The following NT5DC1 variants were observed in gnomAD, a reference collection of about 807,000 sequenced individuals.
NT5DC1 encodes 5'-nucleotidase domain-containing protein 1.
In NT5DC1, 42 loss-of-function variants were observed where a neutral mutation model predicts 59.4. That is an observed-to-expected ratio of 0.71 (90% CI 0.55 to 0.92). NT5DC1 has a LOEUF of 0.92. NT5DC1 is among the 40% of genes least tolerant of loss of function. The pLI, the probability that NT5DC1 is intolerant of heterozygous loss-of-function variation, is 0.00. For missense variants in NT5DC1, 501 were observed against 537.1 expected (o/e 0.93, Z 0.66); for synonymous variants, 172 against 188.1 (o/e 0.91, Z 0.70).
chr6:116,159,977 AG>A (rs1159155983), intron 6 of NT5DC1, among the ~76,000 whole-genome samples: 2 of 152,290 alleles, frequency 1.3e-5, no homozygotes, highest in Admixed American at 1.3e-4. Flanking sequence ...AGTATTCCAC[AG>A]TGTATACATA....
chr6:116,157,421 A>G (rs1280727051), intron 6 of NT5DC1, among the ~76,000 whole-genome samples: 1 of 152,238 alleles, frequency 6.6e-6, no homozygotes, highest in Non-Finnish European at 1.5e-5. Flanking sequence ...GAAAAGAGCT[A>G]TGGGGACAGG....
At chr6:116,164,950 T>C (rs1474283982) in intron 6 of NT5DC1, among the ~76,000 whole-genome samples, 1 of 151,748 alleles carries the variant, frequency 6.6e-6, no homozygotes, top group Non-Finnish European at 1.5e-5. Flanking sequence ...TACAAAAAAT[T>C]AGCGGACATG....
intron 6 of NT5DC1, among the ~76,000 whole-genome samples, chr6:116,167,373 C>T (rs954229707): frequency 5.9e-5 from 9 of 151,832 alleles, no homozygotes; most frequent in Admixed American, 2.0e-4. Flanking sequence ...CCACCACTGC[C>T]GGCTAATTTT....
At chr6:116,241,750 C>T (rs1039088739) in intron 11 of NT5DC1, among the ~76,000 whole-genome samples, 4 of 151,390 alleles carry the variant, frequency 2.6e-5, no homozygotes, top group African/African-American at 7.3e-5. Flanking sequence ...GGTGAAACCC[C>T]GTCTCTACCA....
intron 8 of NT5DC1, among the ~76,000 whole-genome samples, chr6:116,234,153 G>C (rs1017679586): frequency 2.0e-5 from 3 of 151,346 alleles, no homozygotes; most frequent in Non-Finnish European, 4.4e-5. Context: ...GTAGGCACAG[G>C]GTTTCACCAT....
chr6:116,120,033 G>T, intron 6 of NT5DC1: 1 of 1,538,414 alleles, frequency 6.5e-7, no homozygotes, highest in Non-Finnish European at 8.9e-7. Context: ...GTTAGAGAAT[G>T]CTTTTTCTAG....
chr6:116,140,378 T>C (rs1380252942), intron 6 of NT5DC1, among the ~76,000 whole-genome samples: 2 of 152,130 alleles, frequency 1.3e-5, no homozygotes, highest in Non-Finnish European at 2.9e-5. Context: ...CTTTTCTGCC[T>C]TACATTCCTG....
intron 6 of NT5DC1, among the ~76,000 whole-genome samples, chr6:116,157,305 C>T (rs117919524): frequency 2.0e-5 from 3 of 152,198 alleles, no homozygotes; most frequent in Non-Finnish European, 4.4e-5. Flanking sequence ...TGGCACCAGT[C>T]AGTTGTCAAC....
At chr6:116,218,265 A>G (rs983172602) in intron 6 of NT5DC1, among the ~76,000 whole-genome samples, 4 of 152,168 alleles carry the variant, frequency 2.6e-5, no homozygotes, top group African/African-American at 9.6e-5. Context: ...AAATGTTAAC[A>G]GTAGCTTTTT....
intron 6 of NT5DC1, among the ~76,000 whole-genome samples, chr6:116,172,502 A>G (rs1400169507): frequency 6.6e-6 from 1 of 151,686 alleles, no homozygotes; most frequent in Non-Finnish European, 1.5e-5. Flanking sequence ...TTCTATTTTG[A>G]GTAGAGACAG....
chr6:116,200,624 A>C (rs1297183233), intron 6 of NT5DC1, among the ~76,000 whole-genome samples: 2 of 152,002 alleles, frequency 1.3e-5, no homozygotes, highest in African/African-American at 2.4e-5. Context: ...ATCCAGAAGG[A>C]TATTATCGAG....
intron 4 of NT5DC1, among the ~76,000 whole-genome samples, chr6:116,114,406 T>C (rs1344226042): frequency 6.6e-6 from 1 of 152,022 alleles, no homozygotes; most frequent in Non-Finnish European, 1.5e-5. Flanking sequence ...GCTTATTGGA[T>C]TACTCATTCA....
chr6:116,116,335 A>G (rs890444576), intron 5 of NT5DC1, among the ~76,000 whole-genome samples: 3 of 152,184 alleles, frequency 2.0e-5, no homozygotes, highest in Admixed American at 2.0e-4. Context: ...TCCTTTATGC[A>G]TGTCTTTTAA....
At chr6:116,231,944 C>T (rs920553809) in intron 8 of NT5DC1, among the ~76,000 whole-genome samples, 41 of 152,040 alleles carry the variant, frequency 2.7e-4, no homozygotes, top group African/African-American at 9.7e-4. Context: ...CTAGGGCTGC[C>T]GTAACAAAAT....
At chr6:116,144,704 A>T (rs908321273) in intron 6 of NT5DC1, among the ~76,000 whole-genome samples, 1 of 152,178 alleles carries the variant, frequency 6.6e-6, no homozygotes, top group Non-Finnish European at 1.5e-5. Flanking sequence ...TGTTTGTTAG[A>T]CTTCACACCA....
chr6:116,196,163 A>G (rs1781223588), intron 6 of NT5DC1, among the ~76,000 whole-genome samples: 1 of 151,830 alleles, frequency 6.6e-6, no homozygotes, highest in Non-Finnish European at 1.5e-5. Context: ...TTTCCTTATT[A>G]CTCCTACTCC....
chr6:116,190,855 G>A (rs551650772), intron 6 of NT5DC1, among the ~76,000 whole-genome samples: 2 of 152,110 alleles, frequency 1.3e-5, no homozygotes, highest in African/African-American at 2.4e-5. Flanking sequence ...TCTCAGTTTC[G>A]TTGGGATGGG....
chr6:116,147,472 GA>G (rs1222874576), intron 6 of NT5DC1, among the ~76,000 whole-genome samples: 1 of 151,722 alleles, frequency 6.6e-6, no homozygotes, highest in Non-Finnish European at 1.5e-5. Context: ...AAAGATAAAT[GA>G]CAAACTGGGA....
intron 6 of NT5DC1, among the ~76,000 whole-genome samples, chr6:116,186,068 TG>T (rs1325416676): frequency 1.4e-4 from 22 of 152,220 alleles, no homozygotes; most frequent in Non-Finnish European, 5.9e-5. Flanking sequence ...CTTTTGGTAA[TG>T]GCAAATTCTC....
Sources: gnomAD v4.1 joint callset for allele counts (sites outside exome capture counted in the v4.1 genomes callset) on GRCh38, gnomAD v4.1.1 for gene constraint, MANE v1.5 for transcripts, NCBI Gene and HGNC (gene_info 2026-07-23, HGNC 2026-07-21) for gene names.